The following DAB2IP variants were observed in gnomAD, a reference collection of about 807,000 sequenced individuals.
DAB2IP encodes DAB2 interacting protein, also known as disabled homolog 2-interacting protein.
Under a neutral mutation model 107.2 loss-of-function variants are expected in DAB2IP, and 28 were observed. That is an observed-to-expected ratio of 0.26 (90% CI 0.19 to 0.36). DAB2IP has a LOEUF of 0.36. DAB2IP is among the 10% of genes least tolerant of loss of function. The probability of loss-of-function intolerance (pLI) is 1.00; values close to 1 mark genes in which losing one functional copy is unlikely to be tolerated. For missense variants in DAB2IP, 1,400 were observed against 1,644.7 expected, an observed-to-expected ratio of 0.85 and a Z score of 2.57; for synonymous variants, 755 against 706.4, an observed-to-expected ratio of 1.07 and a Z score of -1.09.
intron 1 of DAB2IP, among the ~76,000 whole-genome samples, chr9:121,628,305 C>A (rs759849483): frequency 1.5e-4 from 23 of 152,234 alleles, no homozygotes; most frequent in Non-Finnish European, 2.8e-4. Flanking sequence ...GGGCCCCCCC[C>A]ATCCTAGTGA....
intron 1 of DAB2IP, among the ~76,000 whole-genome samples, chr9:121,585,203 A>G (rs920851024): frequency 2.6e-5 from 4 of 152,036 alleles, no homozygotes; most frequent in Admixed American, 1.3e-4. Context: ...GGCCAACAAC[A>G]CCTCTGTCCC....
At chr9:121,628,562 T>C (rs539919026) in intron 1 of DAB2IP, among the ~76,000 whole-genome samples, 5 of 152,262 alleles carry the variant, frequency 3.3e-5, no homozygotes, top group Admixed American at 6.5e-5. Flanking sequence ...TGGAAGACTT[T>C]TGAATCTGCA....
Position 121,776,657 on chromosome 9 carries a change from A to G in DAB2IP, c.3314+266A>G, listed in dbSNP as rs954742443. On this transcript the variant is annotated intron_variant, in intron 14 of 15. Coordinates refer to ENST00000408936, the Ensembl canonical transcript of DAB2IP. This position sits in a 1 kb window ranked among gnomAD's most constrained non-coding sequence, Gnocchi z 5.4. ...TGGCTCCCGACGGGCCTGAGCCTCT[A>G]CAAGGAGCCATACCATCTTAGTAAG... 2.6e-5 allele frequency among the ~76,000 whole-genome samples: 4 copies of G among 152,200 alleles called. No homozygotes were observed. Among genetic ancestry groups the G allele is most frequent in the African/African-American group, 9.6e-5 (4 of 41,458 alleles).
intron 3 of DAB2IP, among the ~76,000 whole-genome samples, chr9:121,718,203 G>A (rs943267219): frequency 2.6e-5 from 4 of 152,100 alleles, no homozygotes; most frequent in Admixed American, 6.5e-5. Flanking sequence ...CGGCAGCCGC[G>A]GCTCCTGACT....
exon 16 of DAB2IP, chr9:121,784,580 T>A (rs547542713): frequency 6.5e-6 from 1 of 154,996 alleles, no homozygotes; most frequent in South Asian, 2.0e-4. Context: ...ATTTTTATCT[T>A]AATTGCAAGT....
At chr9:121,657,104 G>T (rs905390845) in intron 1 of DAB2IP, among the ~76,000 whole-genome samples, 1 of 152,172 alleles carries the variant, frequency 6.6e-6, no homozygotes, top group Non-Finnish European at 1.5e-5. Context: ...GGACCTCCCC[G>T]GCCTGCCCCT....
chr9:121,783,047 G>A, exon 16 of DAB2IP: 1 of 1,033,356 alleles, frequency 9.7e-7, no homozygotes, highest in Non-Finnish European at 1.2e-6. Context: ...AGTGTCCCCT[G>A]CCTGTCTCCA....
intron 2 of DAB2IP, among the ~76,000 whole-genome samples, chr9:121,693,525 C>A (rs1445871919): frequency 6.6e-6 from 1 of 152,262 alleles, no homozygotes; most frequent in Non-Finnish European, 1.5e-5. Context: ...CCTGTCAAAA[C>A]AGTCTCCCTT....
intron 1 of DAB2IP, among the ~76,000 whole-genome samples, chr9:121,616,475 A>C (rs1831282788): frequency 6.6e-6 from 1 of 152,192 alleles, no homozygotes; most frequent in Non-Finnish European, 1.5e-5. Flanking sequence ...GGGGATACCC[A>C]CATAGGCGTT....
At chr9:121,757,052 C>T (rs1833550086) in exon 4 of DAB2IP, 5 of 1,614,198 alleles carry the variant, frequency 3.1e-6, no homozygotes, top group Non-Finnish European at 4.2e-6. Context: ...CTCGCTCCCA[C>T]GAGTCCCTGC....
chr9:121,758,959 G>A lies in DAB2IP; in HGVS notation c.578G>A (p.Trp193Ter). The A allele has an allele frequency of 6.2e-7, 1 of 1,613,676 alleles. No homozygotes were observed. The highest frequency in any genetic ancestry group is 8.5e-7 in the Non-Finnish European group (1 of 1,179,942). ...CGGTCTGCAGCTGAGCGGGATAAGT[G>A]GATGGAGAACCTCCGGCGAGCGGTG... The change falls in exon 5 of 16, where the codon TGG becomes TAG. Residue 193 changes from tryptophan (W) to a stop codon, truncating the protein, a stop_gained. Coordinates refer to ENST00000408936, the Ensembl canonical transcript of DAB2IP. LOFTEE classifies it high-confidence loss of function.
chr9:121,772,988 C>T lies in DAB2IP; in HGVS notation c.2460C>T (p.Pro820=). 6.2e-7 allele frequency: 1 copy of T among 1,608,200 alleles called. No homozygotes were observed. Among genetic ancestry groups the T allele is most frequent in the Non-Finnish European group, 8.5e-7 (1 of 1,177,790 alleles). Residue 820 remains proline, a synonymous_variant, in exon 12 of 16, where the codon CCC becomes CCT. Coordinates refer to ENST00000408936, the Ensembl canonical transcript of DAB2IP. This position sits in a 1 kb window ranked among gnomAD's most constrained non-coding sequence, Gnocchi z 4.7. ...CCTCCGAGGGCGCGCCAGGCCGGCC[C>T]CAGCTGTTGGCACCGCTCTCCTTCC...
intron 1 of DAB2IP, among the ~76,000 whole-genome samples, chr9:121,580,663 T>C (rs1471526552): frequency 1.3e-5 from 2 of 152,034 alleles, no homozygotes; most frequent in Middle Eastern, 3.4e-3. Context: ...CTCGCTCTGT[T>C]GCCCAGGCTG....
chr9:121,766,512 G>A, exon 9 of DAB2IP: 1 of 1,608,552 alleles, frequency 6.2e-7, no homozygotes, highest in Non-Finnish European at 8.5e-7. Flanking sequence ...CACGGGAGTT[G>A]AAAGAGGTGT....
Position 121,609,237 on chromosome 9 carries a change from G to A in DAB2IP, c.40+42009G>A, listed in dbSNP as rs554301966. The stretch of plus-strand genomic sequence containing the variant: ...TGTGATTACAGGTGTGAGGCACTGC[G>A]CCCAGCCTTCTAGTTTTTAATCTAG... On this transcript the variant is annotated intron_variant, in intron 1 of 16. Transcript: ENST00000259371. Among the ~76,000 whole-genome samples, 13 of 152,274 alleles carry A rather than the reference G, an allele frequency of 8.5e-5. No homozygotes were observed. In the South Asian group the frequency reaches 1.7e-3, roughly 19 times the overall value.
intron 3 of DAB2IP, among the ~76,000 whole-genome samples, chr9:121,733,652 C>T (rs529970738): frequency 4.4e-4 from 67 of 152,266 alleles, no homozygotes; most frequent in Non-Finnish European, 9.0e-4. Context: ...GGGAGTCAGA[C>T]CAGGAATTCA....
At chr9:121,611,747 G>T (rs1831104222) in intron 1 of DAB2IP, among the ~76,000 whole-genome samples, 1 of 151,940 alleles carries the variant, frequency 6.6e-6, no homozygotes, top group Admixed American at 6.6e-5. Flanking sequence ...ACCACAGTCA[G>T]CTAATTTTTG....
chr9:121,584,377 T>C (rs1830270168), intron 1 of DAB2IP, among the ~76,000 whole-genome samples: 1 of 150,946 alleles, frequency 6.6e-6, no homozygotes, highest in Non-Finnish European at 1.5e-5. Flanking sequence ...CACTGCACTC[T>C]AGACAGGGCA....
chr9:121,577,040 T>C (rs1830076943), intron 1 of DAB2IP, among the ~76,000 whole-genome samples: 1 of 152,162 alleles, frequency 6.6e-6, no homozygotes, highest in Non-Finnish European at 1.5e-5. Context: ...CCCTTGACCA[T>C]TACTCGCCTC....
Sources: allele counts gnomAD v4.1 joint callset (sites outside exome capture counted in the v4.1 genomes callset), GRCh38; gene constraint gnomAD v4.1.1; non-coding constraint Gnocchi (gnomAD v3.1); transcripts MANE v1.5; gene names NCBI Gene and HGNC (gene_info 2026-07-23, HGNC 2026-07-21).